The following WDR11 variants were observed in gnomAD, a reference collection of about 807,000 sequenced individuals.
The protein encoded by WDR11 is WD repeat-containing protein 11.
Under a neutral mutation model 151.2 loss-of-function variants are expected in WDR11, and 83 were observed. That is an observed-to-expected ratio of 0.55 (90% CI 0.46 to 0.66). The LOEUF (loss-of-function observed/expected upper bound fraction) is 0.66. Among genes scored for constraint, WDR11 ranks in the 30% least tolerant of loss-of-function variants. The pLI, the probability that WDR11 is intolerant of heterozygous loss-of-function variation, is 0.00. For missense variants in WDR11, 1,301 were observed against 1,480.9 expected, an observed-to-expected ratio of 0.88 and a Z score of 1.99; for synonymous variants, 484 against 533.1, an observed-to-expected ratio of 0.91 and a Z score of 1.27.
chr10:120,905,490 T>C (rs558007172), intron 26 of WDR11, 74 bp downstream of exon 26: 590 of 1,525,158 alleles, frequency 3.9e-4, no homozygotes, highest in South Asian at 7.1e-4. Flanking sequence ...TTTGGACTTA[T>C]GACTTAGAAA....
chr10:120,871,308 C>CA lies in WDR11; in HGVS notation c.1439dup (p.Asn480LysfsTer15). 3 of 1,613,528 alleles carry CA rather than the reference C, an allele frequency of 1.9e-6. No individual in the cohort carries two copies. The highest frequency in any genetic ancestry group is 2.5e-6 in the Non-Finnish European group (3 of 1,179,860). On this transcript the variant is annotated frameshift_variant, in exon 10 of 29. Coordinates refer to ENST00000263461, the MANE Select transcript of WDR11 (RefSeq NM_018117.12). LOFTEE classifies it high-confidence loss of function. ...ATTCGTATGTGTCCACCGTTGACCA[C>CA]AAAAAACATCAAGATGTATCAGCCA...
At chr10:120,862,432 A>T (rs1450271095) in intron 4 of WDR11, 1 of 243,360 alleles carries the variant, frequency 4.1e-6, no homozygotes, top group African/African-American at 2.3e-5. Flanking sequence ...ATTTTTAATG[A>T]AAGTCCGTGC....
At position 120,866,643 on chromosome 10, in the gene WDR11, C is replaced by T. The variant is rs1177910985; in HGVS notation, c.1069C>T (p.Arg357Cys). ...CDAIRVTKTVRPFSMVCCPVN... is the reference protein window; with the variant it reads ...CDAIRVTKTVCPFSMVCCPVN... ...TGCAATCAGGGTGACAAAAACCGTC[C>T]GTCCCTTCAGTATGGTGTGCTGTCC... The change falls in exon 8 of 29, where the codon CGT (arginine) becomes TGT (cysteine). Residue 357 changes from arginine to cysteine, a missense_variant. Coordinates refer to ENST00000263461, the MANE Select transcript of WDR11 (RefSeq NM_018117.12). 4.3e-6 allele frequency: 7 copies of T among 1,614,034 alleles called. No homozygotes were observed. Among genetic ancestry groups the T allele is most frequent in the East Asian group, 2.2e-5 (1 of 44,890 alleles).
chr10:120,886,477 C>T (rs1347924160), intron 15 of WDR11, among the ~76,000 whole-genome samples: 1 of 152,146 alleles, frequency 6.6e-6, no homozygotes, highest in Non-Finnish European at 1.5e-5. Flanking sequence ...CCATTTCTCT[C>T]TGTGCAGGGT....
chr10:120,897,788 AAAT>A (rs1321923250), intron 19 of WDR11, among the ~76,000 whole-genome samples: 4 of 152,188 alleles, frequency 2.6e-5, no homozygotes, highest in Non-Finnish European at 4.4e-5. Context: ...CGATTTTTAA[AAAT>A]AATACAGCTG....
At chr10:120,861,296 T>C (rs1041936619) in intron 4 of WDR11, among the ~76,000 whole-genome samples, 1 of 152,124 alleles carries the variant, frequency 6.6e-6, no homozygotes, top group African/African-American at 2.4e-5. Context: ...TATAATAACA[T>C]GGGAAATGTG....
At chr10:120,876,026 T>TA (rs1316534128) in intron 11 of WDR11, among the ~76,000 whole-genome samples, 1 of 144,424 alleles carries the variant, frequency 6.9e-6, no homozygotes, top group African/African-American at 2.5e-5. Context: ...TTGCCCAGGC[T>TA]AGAGTGGAAT....
intron 9 of WDR11, among the ~76,000 whole-genome samples, chr10:120,869,841 G>A (rs907379727): frequency 6.6e-6 from 1 of 151,974 alleles, no homozygotes; most frequent in Admixed American, 6.6e-5. Flanking sequence ...CCAGGCTGGA[G>A]TGCGGTGGCG....
intron 13 of WDR11, among the ~76,000 whole-genome samples, chr10:120,882,403 AAAGT>A (rs1190411865): frequency 6.6e-6 from 1 of 151,918 alleles, no homozygotes; most frequent in African/African-American, 2.4e-5. Context: ...AACGTGTTGT[AAAGT>A]ATTCTCTCTC....
At chr10:120,908,322 C>T (rs1286009559) in intron 28 of WDR11, 4 of 535,196 alleles carry the variant, frequency 7.5e-6, no homozygotes, top group African/African-American at 5.7e-5. Flanking sequence ...GCTTTGGACT[C>T]AGCTGGTACG....
intron 22 of WDR11, 149 bp downstream of exon 22, chr10:120,902,471 A>G (rs1309496480): frequency 6.5e-5 from 47 of 726,478 alleles, no homozygotes; most frequent in Non-Finnish European, 1.9e-5. Flanking sequence ...GACAGTAGTA[A>G]TAACAAATAG....
intron 22 of WDR11, 116 bp downstream of exon 22, chr10:120,902,438 T>C: frequency 1.2e-6 from 1 of 839,626 alleles, no homozygotes. Context: ...GTTCATCCTT[T>C]AGATTTAACT....
At chr10:120,899,136 A>G (rs1228090664) in intron 19 of WDR11, among the ~76,000 whole-genome samples, 1 of 152,098 alleles carries the variant, frequency 6.6e-6, no homozygotes, top group Non-Finnish European at 1.5e-5. Flanking sequence ...AAACATGTTG[A>G]CAACTAGGCA....
chr10:120,885,510 A>G (rs1418488934), intron 14 of WDR11, among the ~76,000 whole-genome samples: 1 of 152,162 alleles, frequency 6.6e-6, no homozygotes, highest in African/African-American at 2.4e-5. Flanking sequence ...TCGTGTGCAC[A>G]TAAGAGATGG....
At chr10:120,876,160 A>G (rs1846779282) in intron 11 of WDR11, among the ~76,000 whole-genome samples, 1 of 151,590 alleles carries the variant, frequency 6.6e-6, no homozygotes, top group Non-Finnish European at 1.5e-5. Flanking sequence ...TGTATTTTTT[A>G]GTAGAGACAA....
chr10:120,903,265 C>T (rs775338500), intron 23 of WDR11, 33 bp downstream of exon 23: 6 of 1,611,310 alleles, frequency 3.7e-6, no homozygotes, highest in South Asian at 2.2e-5. Flanking sequence ...ACCTTTAGAG[C>T]TGTCATCTTG....
Position 120,909,054 on chromosome 10 carries a change from T to TAAAG in WDR11, c.*343_*346dup, listed in dbSNP as rs1378181592. On this transcript the variant is annotated 3_prime_UTR_variant, in exon 29 of 29. Coordinates refer to ENST00000263461, the MANE Select transcript of WDR11 (RefSeq NM_018117.12). The stretch of plus-strand genomic sequence containing the variant: ...AATCACTTTTCTCATTGATTAAATG[T>TAAAG]AAAGATTATTGAGAAACCTATAGTA... 1.9e-5 allele frequency: 6 copies of TAAAG among 313,418 alleles called. No individual in the cohort carries two copies. The highest frequency in any genetic ancestry group is 6.9e-5 in the South Asian group (2 of 28,994). 19.4% of individuals were successfully genotyped at this position (313,418 alleles called of 1,614,324 possible). A position where few individuals can be genotyped will look rare whatever the true frequency, so the allele number is the denominator to read the frequency against.
intron 11 of WDR11, among the ~76,000 whole-genome samples, chr10:120,876,515 A>G (rs898389938): frequency 6.6e-6 from 1 of 152,124 alleles, no homozygotes. Context: ...GGACTCTTTC[A>G]GGCTGTTATT....
At chr10:120,889,815 A>T (rs2133791674) in intron 17 of WDR11, 80 bp from the exon 18 acceptor site, 1 of 950,582 alleles carries the variant, frequency 1.1e-6, no homozygotes, top group East Asian at 2.5e-5. Flanking sequence ...AAATGGAAAT[A>T]GTGAGAGATG....
Sources: allele counts gnomAD v4.1 joint callset (sites outside exome capture counted in the v4.1 genomes callset), GRCh38; gene constraint gnomAD v4.1.1; transcripts MANE v1.5; gene names NCBI Gene and HGNC (gene_info 2026-07-23, HGNC 2026-07-21).